The following ZNF519 variants were observed in gnomAD, a reference collection of about 807,000 sequenced individuals.
ZNF519 encodes similar to Zinc finger protein 85 (Zinc finger protein HPF4) (HTF1).
ZNF519 carries 7 observed loss-of-function variants against 7.4 expected under a neutral mutation model. That is an observed-to-expected ratio of 0.94 (90% confidence interval 0.54 to 1.77). ZNF519 has a LOEUF of 1.77. Ranked by LOEUF, ZNF519 falls within the 40% of genes most tolerant of loss-of-function variation. The pLI, the probability that ZNF519 is intolerant of heterozygous loss-of-function variation, is 0.00. For missense variants in ZNF519, 586 were observed against 623.1 expected, an observed-to-expected ratio of 0.94 and a Z score of 0.63; for synonymous variants, 179 against 203.3, an observed-to-expected ratio of 0.88 and a Z score of 1.02.
downstream of ZNF519, among the ~76,000 whole-genome samples, chr18:14,096,650 G>C (rs2046138039): frequency 6.6e-6 from 1 of 152,156 alleles, no homozygotes; most frequent in Admixed American, 6.5e-5. Flanking sequence ...CGAGTAGCTA[G>C]GATCACAGGT....
intron 2 of ZNF519, among the ~76,000 whole-genome samples, chr18:14,087,108 C>T (rs952436662): frequency 6.6e-6 from 1 of 152,086 alleles, no homozygotes; most frequent in Non-Finnish European, 1.5e-5. Context: ...AAAGGTGATA[C>T]ATCAGATTAA....
intron 2 of ZNF519, among the ~76,000 whole-genome samples, chr18:14,111,765 A>G (rs755747725): frequency 2.6e-5 from 4 of 152,116 alleles, no homozygotes; most frequent in Non-Finnish European, 5.9e-5. Flanking sequence ...GACAAACAAG[A>G]CATGTTGAGA....
chr18:14,101,456 T>G lies in ZNF519; in HGVS notation c.*3461A>C, dbSNP rs757899044. 38 of 390,720 alleles carry G rather than the reference T, an allele frequency of 9.7e-5. No individual in the cohort carries two copies. Among genetic ancestry groups the G allele is most frequent in the Non-Finnish European group, 1.5e-4 (33 of 221,876 alleles). 24.2% of individuals were successfully genotyped at this position (390,720 alleles called of 1,614,324 possible). ...TAATTTTCCTAGATATTCTTACAAATATGTGAAAGCCGATTGTACACCTGA... is the reference window on the plus strand; with the variant it reads ...TAATTTTCCTAGATATTCTTACAAAGATGTGAAAGCCGATTGTACACCTGA... On this transcript the variant is annotated 3_prime_UTR_variant, in exon 3 of 3. Coordinates refer to ENST00000590202, the MANE Select transcript of ZNF519 (RefSeq NM_145287.4).
chr18:14,082,613 T>C (rs911445972), intron 3 of ZNF519: 1 of 152,048 alleles, frequency 6.6e-6, no homozygotes, highest in Non-Finnish European at 1.5e-5. Flanking sequence ...CAAATATATA[T>C]ATGGTAATGT....
chr18:14,092,283 G>C lies in ZNF519; in HGVS notation c.131-7207C>G, dbSNP rs148229535. ...CCTCCATGGGCATCTGTGTGAAGGGGGTGTCCTTCATTGGAACACGAAGAG... is the reference window on the plus strand; with the variant it reads ...CCTCCATGGGCATCTGTGTGAAGGGCGTGTCCTTCATTGGAACACGAAGAG... On this transcript the variant is annotated intron_variant and NMD_transcript_variant, in intron 2 of 4. Transcript: ENST00000587419. Among the ~76,000 whole-genome samples, 85 of 152,240 alleles carry C rather than the reference G, an allele frequency of 5.6e-4. No homozygotes were observed. The East Asian group carries it at 6.8e-3, about 12-fold the overall frequency.
At chr18:14,131,822 G>A (rs190234553) in intron 1 of ZNF519, among the ~76,000 whole-genome samples, 11 of 152,216 alleles carry the variant, frequency 7.2e-5, no homozygotes, top group African/African-American at 2.2e-4. Flanking sequence ...TTTCTTTCAA[G>A]ACCTTCTAGT....
At chr18:14,095,439 C>T (rs1403771011), downstream of ZNF519, among the ~76,000 whole-genome samples, 1 of 152,208 alleles carries the variant, frequency 6.6e-6, no homozygotes, top group South Asian at 2.1e-4. Flanking sequence ...CCGCTGCAGT[C>T]ATTGTAACAC....
intron 3 of ZNF519, among the ~76,000 whole-genome samples, chr18:14,083,888 A>G (rs987921351): frequency 1.2e-4 from 19 of 152,192 alleles, no homozygotes; most frequent in Admixed American, 1.0e-3. Flanking sequence ...CACTGGGAGC[A>G]GACAATGCAT....
At position 14,106,285 on chromosome 18, in the gene ZNF519, C is replaced by T. The variant is rs1170470735; in HGVS notation, c.255G>A (p.Trp85Ter). 3 of 1,613,002 alleles carry T rather than the reference C, an allele frequency of 1.9e-6. No homozygotes were observed. Among genetic ancestry groups the T allele is most frequent in the Non-Finnish European group, 2.5e-6 (3 of 1,179,866 alleles). ...GTCCTTCACCTTCACCTATACTTTC[C>T]CAGTTTTTCCATAAGCATATATTTT... ...GLENICLWKN[W>*]ESIGEGEGQK... is the part of the protein sequence containing the mutation. The change falls in exon 3 of 3, where the codon TGG (tryptophan) becomes TGA (stop). Residue 85 changes from tryptophan to a stop codon, truncating the protein, a stop_gained. Transcript: ENST00000590202. LOFTEE classifies it low-confidence loss of function (END_TRUNC).
At position 14,106,000 on chromosome 18, in the gene ZNF519, A is replaced by G; in HGVS notation, c.540T>C (p.Tyr180=). The G allele has an allele frequency of 1.9e-6, 3 of 1,579,536 alleles. No homozygotes were observed. Among genetic ancestry groups the G allele is most frequent in the Non-Finnish European group, 2.6e-6 (3 of 1,158,938 alleles). ...KHHSTHFLEN[Y]YNCNECEKVF... ...CTTTTTCACATTCATTACAATTGTA[A>G]TAGTTTTCTAGAAAATGAGTACTAT... The change falls in exon 3 of 3, where the codon TAT becomes TAC. Residue 180 remains tyrosine, a synonymous_variant. Coordinates refer to ENST00000590202, the MANE Select transcript of ZNF519 (RefSeq NM_145287.4).
At chr18:14,076,208 T>G (rs959914323) in exon 5 of ZNF519, 1 of 152,192 alleles carries the variant, frequency 6.6e-6, no homozygotes, top group Admixed American at 6.5e-5. Context: ...TTCTTTTTTT[T>G]GTAGATTTTG....
Position 14,109,130 on chromosome 18 carries a change from A to AT in ZNF519, c.131-2722_131-2721insA, listed in dbSNP as rs1318576420. On this transcript the variant is annotated intron_variant, in intron 2 of 2. Transcript: ENST00000590202. ...GAAACTCCGTCTCAAAAAAAAAAAA[A>AT]AAAAATAATAATGAGGTTAATTCAT... Among the ~76,000 whole-genome samples, 233 of 151,036 alleles carry AT rather than the reference A, an allele frequency of 1.5e-3. 1 individual carries two copies. Among genetic ancestry groups the AT allele is most frequent in the African/African-American group, 4.6e-3 (188 of 40,942 alleles).
In ZNF519 at chr18:14,102,999, A is replaced by C. The variant is rs2046169533; in HGVS notation, c.*1918T>G. The C allele has an allele frequency of 6.6e-6, 1 of 152,118 alleles. No homozygotes were observed. The highest frequency in any genetic ancestry group is 1.5e-5 in the Non-Finnish European group (1 of 67,990). The allele number at this position is 152,118 out of a possible 1,614,324, so 9.4% of individuals were successfully genotyped here. On this transcript the variant is annotated 3_prime_UTR_variant, in exon 3 of 3. Coordinates refer to ENST00000590202, the MANE Select transcript of ZNF519 (RefSeq NM_145287.4). Reference sequence around the variant, plus strand: ...AGCAGTAAAGGAAGAATAAAGAAAAATACGTGAGACATAAAAATAGAAAGC... The same window carrying C: ...AGCAGTAAAGGAAGAATAAAGAAAACTACGTGAGACATAAAAATAGAAAGC...
chr18:14,120,924 C>T (rs374904917), intron 2 of ZNF519, among the ~76,000 whole-genome samples: 1 of 152,000 alleles, frequency 6.6e-6, no homozygotes, highest in African/African-American at 2.4e-5. Context: ...CCCCCATGTT[C>T]GTTGTAGTAT....
Position 14,127,888 on chromosome 18 carries a change from G to T in ZNF519, c.4-3412C>A, listed in dbSNP as rs144378590. Among the ~76,000 whole-genome samples, 1,000 of 151,984 alleles carry T rather than the reference G, an allele frequency of 6.6e-3. 13 individuals carry two copies. The highest frequency in any genetic ancestry group is 0.023 in the African/African-American group (941 of 41,400). ...GGGTTGTGATTGGAATCCTGAGAAA[G>T]AAAGTTCCCTCTAAAGTGAAGCCTG... On this transcript the variant is annotated intron_variant, in intron 1 of 2. Coordinates refer to ENST00000590202, the MANE Select transcript of ZNF519 (RefSeq NM_145287.4).
Position 14,105,280 on chromosome 18 carries a change from A to C in ZNF519, c.1260T>G (p.Thr420=). 1 of 1,613,848 alleles carries C rather than the reference A, an allele frequency of 6.2e-7. No homozygotes were observed. The highest frequency in any genetic ancestry group is 8.5e-7 in the Non-Finnish European group (1 of 1,179,794). The change falls in exon 3 of 3, where the codon ACT becomes ACG. Residue 420 remains threonine (T), a synonymous_variant. Transcript: ENST00000590202. ...GKAFNRASHL[T]QHQRIHTGEK... ...CTCCAGTATGGATTCTCTGATGTTGAGTAAGGTGTGAAGCTCTGTTAAAAG... is the reference window on the plus strand; with the variant it reads ...CTCCAGTATGGATTCTCTGATGTTGCGTAAGGTGTGAAGCTCTGTTAAAAG...
At chr18:14,106,476 A>C in intron 2 of ZNF519, 67 bp from the exon 3 acceptor site, 1 of 1,401,392 alleles carries the variant, frequency 7.1e-7, no homozygotes, top group Middle Eastern at 2.0e-4. Flanking sequence ...TTACAAATCT[A>C]ATATGAAATT....
intron 3 of ZNF519, chr18:14,082,991 G>A (rs2046076052): frequency 1.3e-5 from 2 of 152,188 alleles, no homozygotes; most frequent in Admixed American, 1.3e-4. Flanking sequence ...ATCTCTTGAT[G>A]GTTAAGACAG....
chr18:14,114,486 C>T (rs2046236643), intron 2 of ZNF519, among the ~76,000 whole-genome samples: 2 of 152,290 alleles, frequency 1.3e-5, no homozygotes, highest in South Asian at 4.1e-4. Context: ...TACTGTTTCA[C>T]TGATCAATAC....
Sources: gnomAD v4.1 joint callset for allele counts (sites outside exome capture counted in the v4.1 genomes callset) on GRCh38, gnomAD v4.1.1 for gene constraint, MANE v1.5 for transcripts, NCBI Gene and HGNC (gene_info 2026-07-23, HGNC 2026-07-21) for gene names.